The following CIMIP5 variants were observed in gnomAD, a reference collection of about 807,000 sequenced individuals.
CIMIP5 encodes uncharacterized protein C2orf50.
chr2:11,133,341 AGC>A, the CIMIP5 span: 1 of 1,577,776 alleles, frequency 6.3e-7, no homozygotes, highest in East Asian at 2.3e-5. Context: ...CACCATGGGG[AGC>A]CACCCCACCC....
the CIMIP5 span, among the ~76,000 whole-genome samples, chr2:11,134,666 G>T: frequency 6.6e-6 from 1 of 152,316 alleles, no homozygotes; most frequent in East Asian, 1.9e-4. Flanking sequence ...CATTTTAAGG[G>T]TGAATGTATA....
chr2:11,149,170 C>T, the CIMIP5 span, among the ~76,000 whole-genome samples: 16 of 152,228 alleles, frequency 1.1e-4, no homozygotes, highest in African/African-American at 3.1e-4. Flanking sequence ...TCTTAGAGAA[C>T]GGTAAATGCT....
chr2:11,151,265 T>C, the CIMIP5 span, among the ~76,000 whole-genome samples: 6 of 152,250 alleles, frequency 3.9e-5, no homozygotes, highest in Admixed American at 1.3e-4. Flanking sequence ...CCCAGCCACC[T>C]TGGGGACGTG....
chr2:11,148,001 C>T, the CIMIP5 span, among the ~76,000 whole-genome samples: 1 of 152,004 alleles, frequency 6.6e-6, no homozygotes, highest in Non-Finnish European at 1.5e-5. Context: ...GAAATGGGGG[C>T]ATTACCTATA....
chr2:11,140,463 A>G, the CIMIP5 span: 1 of 1,456,500 alleles, frequency 6.9e-7, no homozygotes, highest in South Asian at 1.4e-5. Context: ...CATTGGTAAA[A>G]ATGTCCTGGA....
At chr2:11,137,848 T>C in the CIMIP5 span, among the ~76,000 whole-genome samples, 1 of 151,988 alleles carries the variant, frequency 6.6e-6, no homozygotes, top group Admixed American at 6.6e-5. Context: ...ATTTTATTTC[T>C]TTCTTTCTTT....
At chr2:11,140,669 G>C in the CIMIP5 span, 1 of 696,698 alleles carries the variant, frequency 1.4e-6, no homozygotes, top group Non-Finnish European at 2.3e-6. Context: ...GTGCAGCGAT[G>C]AGTCAAATAC....
At chr2:11,148,037 G>A in the CIMIP5 span, among the ~76,000 whole-genome samples, 7,561 of 152,090 alleles carry the variant, frequency 0.05, 634 homozygotes, top group African/African-American at 0.17. Flanking sequence ...GGAGACCAAG[G>A]GCCAGGAGAC....
the CIMIP5 span, among the ~76,000 whole-genome samples, chr2:11,150,493 C>T: frequency 4.6e-5 from 7 of 151,916 alleles, no homozygotes; most frequent in African/African-American, 7.2e-5. Context: ...CCACCATGCC[C>T]GGCTAATTTT....
the CIMIP5 span, among the ~76,000 whole-genome samples, chr2:11,149,712 A>AAATTAATT: frequency 2.7e-5 from 4 of 150,790 alleles, no homozygotes; most frequent in South Asian, 4.2e-4. Context: ...ATCTCAAAAA[A>AAATTAATT]AATTAATTAA....
the CIMIP5 span, among the ~76,000 whole-genome samples, chr2:11,140,086 CAAAAAAA>C: frequency 7.1e-5 from 6 of 84,774 alleles, no homozygotes; most frequent in African/African-American, 3.3e-4. Flanking sequence ...GACTCCCTCT[CAAAAAAA>C]AAAAAAAAAA....
At chr2:11,138,080 G>A in the CIMIP5 span, among the ~76,000 whole-genome samples, 15 of 152,334 alleles carry the variant, frequency 9.8e-5, no homozygotes, top group Middle Eastern at 3.4e-3. Context: ...TCCTGACCTC[G>A]TGATCTGCCT....
the CIMIP5 span, among the ~76,000 whole-genome samples, chr2:11,135,613 T>TA: frequency 6.6e-6 from 1 of 151,812 alleles, no homozygotes; most frequent in East Asian, 1.9e-4. Context: ...GTATTTTTAG[T>TA]AGAGACAGGT....
chr2:11,145,002 C>G, the CIMIP5 span: 1 of 150,750 alleles, frequency 6.6e-6, no homozygotes, highest in Non-Finnish European at 1.5e-5. Flanking sequence ...ATTTTTATTC[C>G]AGACAGAGTC....
the CIMIP5 span, among the ~76,000 whole-genome samples, chr2:11,152,225 A>G: frequency 6.6e-6 from 1 of 152,264 alleles, no homozygotes; most frequent in African/African-American, 2.4e-5. Flanking sequence ...TCTTGCAGCC[A>G]GAGGCTGCCT....
At chr2:11,151,364 C>T in the CIMIP5 span, among the ~76,000 whole-genome samples, 1 of 152,212 alleles carries the variant, frequency 6.6e-6, no homozygotes, top group Non-Finnish European at 1.5e-5. Flanking sequence ...CAATGGCTCT[C>T]GAGTTCAGAT....
the CIMIP5 span, among the ~76,000 whole-genome samples, chr2:11,148,882 C>T: frequency 1.1e-4 from 16 of 151,720 alleles, no homozygotes; most frequent in East Asian, 1.9e-4. Context: ...TACAGGCACC[C>T]GCCACCATGC....
chr2:11,145,391 A>G, the CIMIP5 span: 1 of 152,204 alleles, frequency 6.6e-6, no homozygotes, highest in Non-Finnish European at 1.5e-5. Flanking sequence ...TTGGCCTCCC[A>G]AAGCACTGGG....
At chr2:11,153,171 A>C in the CIMIP5 span, among the ~76,000 whole-genome samples, 1 of 152,314 alleles carries the variant, frequency 6.6e-6, no homozygotes, top group East Asian at 1.9e-4. Context: ...GTCTTCACGC[A>C]AAGTAGCCAG....
Sources: gnomAD v4.1 joint callset for allele counts (sites outside exome capture counted in the v4.1 genomes callset) on GRCh38, gnomAD v4.1.1 for gene constraint, MANE v1.5 for transcripts, NCBI Gene and HGNC (gene_info 2026-07-23, HGNC 2026-07-21) for gene names.